VAPB: variants seen among roughly 807,000 people sequenced by gnomAD.
VAPB encodes vesicle-associated membrane protein-associated protein B/C.
In VAPB, 7 loss-of-function variants were observed where a neutral mutation model predicts 25.6. The ratio of observed to expected loss-of-function variants is 0.27; its 90% CI spans 0.16 to 0.51. VAPB has a LOEUF of 0.51. Ranked by LOEUF, VAPB falls within the 20% of genes least tolerant of loss-of-function variation. VAPB has a pLI of 0.97. For synonymous variants in VAPB, 112 were observed against 109.2 expected (o/e 1.03, Z -0.16); for missense variants, 266 against 301.3 (o/e 0.88, Z 0.87).
chr20:58,404,950 G>C (rs1418785705), intron 1 of VAPB, among the ~76,000 whole-genome samples: 1 of 151,958 alleles, frequency 6.6e-6, no homozygotes, highest in Non-Finnish European at 1.5e-5. Context: ...GAGAGGCCGA[G>C]ATGAGAAAAC....
In VAPB at chr20:58,446,516, T is replaced by C; in HGVS notation, c.*2281T>C. ...CAGCCGGGTCATGGGATTTGGCTTG[T>C]GAGTCTGTAACAGTTCTTAAAAAGA... On this transcript the variant is annotated 3_prime_UTR_variant, in exon 6 of 6. Transcript: ENST00000475243. 1 of 454,096 alleles carries C rather than the reference T, an allele frequency of 2.2e-6. No individual in the cohort carries two copies. The highest frequency in any genetic ancestry group is 4.4e-6 in the Non-Finnish European group (1 of 226,774). The allele number at this position is 454,096 out of a possible 1,614,324, so 28.1% of individuals were successfully genotyped here. A position where few individuals can be genotyped will look rare whatever the true frequency, so the allele number is the denominator to read the frequency against.
chr20:58,424,628 T>C (rs1337794070), intron 2 of VAPB, among the ~76,000 whole-genome samples: 1 of 152,218 alleles, frequency 6.6e-6, no homozygotes, highest in East Asian at 1.9e-4. Context: ...ATGTTGGATT[T>C]TTGAAAAAGA....
At chr20:58,407,287 G>T (rs1988254940) in intron 1 of VAPB, among the ~76,000 whole-genome samples, 1 of 152,164 alleles carries the variant, frequency 6.6e-6, no homozygotes, top group African/African-American at 2.4e-5. Context: ...TTTGTCTTGA[G>T]TTAATGAGAC....
rs560343707 is a variant in VAPB, at chr20:58,433,513, C to G, written c.212-1089C>G. Among the ~76,000 whole-genome samples the G allele has an allele frequency of 2.0e-5, 3 of 152,248 alleles. No individual in the cohort carries two copies. The East Asian group carries it at 5.8e-4, about 29-fold the overall frequency. On this transcript the variant is annotated intron_variant, in intron 2 of 5. Transcript: ENST00000475243. ...GCATAAGACTTGTACTGTCAGAGGA[C>G]AAGGCACCAGTCCTTTGTGGTGGCT...
chr20:58,444,985 T>G lies in VAPB; in HGVS notation c.*750T>G, dbSNP rs1407017274. 1 of 454,642 alleles carries G rather than the reference T, an allele frequency of 2.2e-6. No individual in the cohort carries two copies. The highest frequency in any genetic ancestry group is 4.4e-6 in the Non-Finnish European group (1 of 226,812). 28.2% of individuals were successfully genotyped at this position (454,642 alleles called of 1,614,324 possible). A position where few individuals can be genotyped will look rare whatever the true frequency, so the allele number is the denominator to read the frequency against. On this transcript the variant is annotated 3_prime_UTR_variant, in exon 6 of 6. Coordinates refer to ENST00000475243, the MANE Select transcript of VAPB (RefSeq NM_004738.5). ...TATTTCATCTCATGTTTTCTTATTG[T>G]CACAAGAGTACAGTTAATGCTGCGT...
At chr20:58,413,607 C>A (rs1468507327) in intron 1 of VAPB, among the ~76,000 whole-genome samples, 3 of 151,970 alleles carry the variant, frequency 2.0e-5, no homozygotes, top group Non-Finnish European at 4.4e-5. Context: ...TCCCGCCTTT[C>A]TATTCCACAA....
chr20:58,437,602 C>CT (rs1989076843), intron 3 of VAPB, among the ~76,000 whole-genome samples: 1 of 152,192 alleles, frequency 6.6e-6, no homozygotes, highest in African/African-American at 2.4e-5. Flanking sequence ...TCACCTGGTG[C>CT]TTTTAGCATT....
At chr20:58,402,587 G>A (rs539597282) in intron 1 of VAPB, among the ~76,000 whole-genome samples, 13 of 124,566 alleles carry the variant, frequency 1.0e-4, no homozygotes, top group Non-Finnish European at 1.5e-4. Flanking sequence ...TTTTTAGATT[G>A]TGTCTCTTCT....
At chr20:58,434,568 T>C in intron 2 of VAPB, 34 bp from the exon 3 acceptor site, 1 of 1,093,600 alleles carries the variant, frequency 9.1e-7, no homozygotes, top group Non-Finnish European at 1.4e-6. Flanking sequence ...ACAACCAAGC[T>C]CTGACCCTCC....
intron 2 of VAPB, among the ~76,000 whole-genome samples, chr20:58,425,556 G>T (rs2123071189): frequency 1.3e-5 from 2 of 152,320 alleles, no homozygotes; most frequent in African/African-American, 4.8e-5. Flanking sequence ...ATGTCAGAAG[G>T]AGCTTAGGAG....
chr20:58,428,109 A>T (rs1026588906), intron 2 of VAPB, among the ~76,000 whole-genome samples: 5 of 152,226 alleles, frequency 3.3e-5, no homozygotes, highest in African/African-American at 1.2e-4. Context: ...CATTACTCCA[A>T]GGGGTGTGTG....
chr20:58,441,339 A>C (rs1479488284), intron 5 of VAPB, among the ~76,000 whole-genome samples: 1 of 152,098 alleles, frequency 6.6e-6, no homozygotes, highest in African/African-American at 2.4e-5. Flanking sequence ...CCTTAAAAAA[A>C]AAAACAAAAA....
At chr20:58,407,828 C>T (rs538939278) in intron 1 of VAPB, among the ~76,000 whole-genome samples, 4 of 152,036 alleles carry the variant, frequency 2.6e-5, no homozygotes, top group South Asian at 2.1e-4. Flanking sequence ...GTATAGTATT[C>T]CTTCATGAGA....
chr20:58,426,587 A>G (rs1212375471), intron 2 of VAPB, among the ~76,000 whole-genome samples: 2 of 152,194 alleles, frequency 1.3e-5, no homozygotes, highest in African/African-American at 4.8e-5. Flanking sequence ...GCCTGCCAAT[A>G]AGAGACCAAG....
chr20:58,448,086 T>C lies in VAPB; in HGVS notation c.*3851T>C. On this transcript the variant is annotated 3_prime_UTR_variant, in exon 6 of 6. Coordinates refer to ENST00000475243, the MANE Select transcript of VAPB (RefSeq NM_004738.5). Reference sequence around the variant, plus strand: ...GAAAAGTTACCACTCTGAGGAGACCTCTCTTAATTAACACTTGGGGCCATG... The same window carrying C: ...GAAAAGTTACCACTCTGAGGAGACCCCTCTTAATTAACACTTGGGGCCATG... 2.2e-6 allele frequency: 1 copy of C among 454,006 alleles called. No homozygotes were observed. Among genetic ancestry groups the C allele is most frequent in the Non-Finnish European group, 4.4e-6 (1 of 226,784 alleles). The allele number at this position is 454,006 out of a possible 1,614,324, so 28.1% of individuals were successfully genotyped here. A position where few individuals can be genotyped will look rare whatever the true frequency, so the allele number is the denominator to read the frequency against.
rs1989285675 is a variant in VAPB, at chr20:58,446,107, A to C, written c.*1872A>C. 1 of 453,970 alleles carries C rather than the reference A, an allele frequency of 2.2e-6. No individual in the cohort carries two copies. Among genetic ancestry groups the C allele is most frequent in the African/African-American group, 2.0e-5 (1 of 49,986 alleles). 28.1% of individuals were successfully genotyped at this position (453,970 alleles called of 1,614,324 possible). A position where few individuals can be genotyped will look rare whatever the true frequency, so the allele number is the denominator to read the frequency against. ...CTTTGAATCCCAGGTACTCACAGAA[A>C]TGGTGAACAGACTTAGTTGTTACCC... On this transcript the variant is annotated 3_prime_UTR_variant, in exon 6 of 6. Coordinates refer to ENST00000475243, the MANE Select transcript of VAPB (RefSeq NM_004738.5).
intron 5 of VAPB, among the ~76,000 whole-genome samples, 158 bp downstream of exon 5, chr20:58,441,241 GA>G (rs1989155133): frequency 6.6e-6 from 1 of 152,054 alleles, no homozygotes; most frequent in Admixed American, 6.5e-5. Flanking sequence ...TGGCTTTCAT[GA>G]GAGTCTCAAA....
At chr20:58,392,632 C>T (rs992047864) in intron 1 of VAPB, among the ~76,000 whole-genome samples, 3 of 152,186 alleles carry the variant, frequency 2.0e-5, no homozygotes, top group African/African-American at 7.2e-5. Context: ...CTCAGGGTGA[C>T]GACTCTGATT....
chr20:58,443,310 T>A (rs2123103608), intron 5 of VAPB, among the ~76,000 whole-genome samples: 1 of 152,214 alleles, frequency 6.6e-6, no homozygotes, highest in South Asian at 2.1e-4. Flanking sequence ...CCAAATATCA[T>A]TTGATCCAGC....
Sources: allele counts gnomAD v4.1 joint callset (sites outside exome capture counted in the v4.1 genomes callset), GRCh38; gene constraint gnomAD v4.1.1; transcripts MANE v1.5; gene names NCBI Gene and HGNC (gene_info 2026-07-23, HGNC 2026-07-21).